Variants in PRKCA observed in about 807,000 individuals in gnomAD.
The protein encoded by PRKCA is protein kinase C alpha, also known as protein kinase C alpha type.
Under a neutral mutation model 87.0 loss-of-function variants are expected in PRKCA, and 27 were observed. The ratio of observed to expected loss-of-function variants is 0.31; its 90% CI spans 0.23 to 0.43. PRKCA has a LOEUF of 0.43. PRKCA is among the 20% of genes least tolerant of loss of function. PRKCA has a pLI of 1.00. For missense variants in PRKCA, 518 were observed against 852.3 expected, an observed-to-expected ratio of 0.61 and a Z score of 4.88; for synonymous variants, 329 against 311.1, an observed-to-expected ratio of 1.06 and a Z score of -0.61.
chr17:66,759,386 C>T (rs1019984462), intron 13 of PRKCA, among the ~76,000 whole-genome samples: 2 of 151,332 alleles, frequency 1.3e-5, no homozygotes, highest in South Asian at 2.1e-4. Flanking sequence ...GACTTGGTTT[C>T]GTTGTAAATA....
At chr17:66,516,072 T>A (rs1029046857) in intron 3 of PRKCA, among the ~76,000 whole-genome samples, 4 of 152,208 alleles carry the variant, frequency 2.6e-5, no homozygotes, top group African/African-American at 9.7e-5. Flanking sequence ...TAGGATTGAT[T>A]GAAGCAAAGC....
At chr17:66,644,872 C>T (rs1971410694) in intron 4 of PRKCA, among the ~76,000 whole-genome samples, 1 of 151,976 alleles carries the variant, frequency 6.6e-6, no homozygotes, top group Non-Finnish European at 1.5e-5. Flanking sequence ...CATCCATAGT[C>T]CCAGTACTTT....
At chr17:66,538,946 A>G (rs1032517417) in intron 3 of PRKCA, among the ~76,000 whole-genome samples, 1 of 152,216 alleles carries the variant, frequency 6.6e-6, no homozygotes, top group Non-Finnish European at 1.5e-5. Flanking sequence ...TGAGGCCCTC[A>G]TCGAAGGCAT....
chr17:66,454,178 C>T (rs1179722810), intron 2 of PRKCA, among the ~76,000 whole-genome samples: 3 of 152,204 alleles, frequency 2.0e-5, no homozygotes, highest in African/African-American at 4.8e-5. Flanking sequence ...GCCCACTGCC[C>T]TCTCTGGGCA....
intron 2 of PRKCA, chr17:66,403,770 C>G (rs1166566275): frequency 6.6e-6 from 1 of 152,068 alleles, no homozygotes; most frequent in African/African-American, 2.4e-5. Flanking sequence ...AGCTTTGAAG[C>G]ATAACATTAG....
intron 3 of PRKCA, among the ~76,000 whole-genome samples, chr17:66,581,620 C>T (rs146619178): frequency 6.6e-6 from 1 of 152,156 alleles, no homozygotes; most frequent in African/African-American, 2.4e-5. Flanking sequence ...GGACTACAGG[C>T]ACCCGCCACC....
intron 13 of PRKCA, among the ~76,000 whole-genome samples, chr17:66,755,414 G>A (rs1386914038): frequency 6.6e-6 from 1 of 152,154 alleles, no homozygotes; most frequent in East Asian, 1.9e-4. Flanking sequence ...ACATGATTCA[G>A]GTGTCCTGGG....
At chr17:66,483,209 C>T (rs993749614) in intron 2 of PRKCA, among the ~76,000 whole-genome samples, 2 of 152,104 alleles carry the variant, frequency 1.3e-5, no homozygotes, top group African/African-American at 4.8e-5. Context: ...TACCACAAAC[C>T]GGGCAGCTTA....
intron 13 of PRKCA, among the ~76,000 whole-genome samples, chr17:66,754,537 A>G (rs1442968489): frequency 6.6e-6 from 1 of 152,204 alleles, no homozygotes; most frequent in African/African-American, 2.4e-5. Context: ...GACTGTGCTC[A>G]GGGGTGGCTC....
chr17:66,739,025 G>A (rs4324167), intron 11 of PRKCA, among the ~76,000 whole-genome samples, 170 bp downstream of exon 11: 32,079 of 152,084 alleles, frequency 0.21, 3,910 homozygotes, highest in Middle Eastern at 0.32. Flanking sequence ...TGGGACTACA[G>A]GCACACACCA....
At chr17:66,499,937 T>C (rs1916656009) in intron 3 of PRKCA, among the ~76,000 whole-genome samples, 1 of 152,184 alleles carries the variant, frequency 6.6e-6, no homozygotes, top group African/African-American at 2.4e-5. Context: ...ATGTGTCTGC[T>C]AATGGTCCAT....
intron 2 of PRKCA, among the ~76,000 whole-genome samples, chr17:66,431,974 A>G (rs75959741): frequency 2.1e-3 from 314 of 152,308 alleles, no homozygotes; most frequent in African/African-American, 7.2e-3. Context: ...TTTCCAAAGC[A>G]CTTTCAAGAC....
At chr17:66,317,933 T>G (rs1383455161) in intron 2 of PRKCA, among the ~76,000 whole-genome samples, 1 of 152,226 alleles carries the variant, frequency 6.6e-6, no homozygotes, top group African/African-American at 2.4e-5. Flanking sequence ...GTATTTACAA[T>G]GTAGAAAATA....
At chr17:66,781,994 A>G (rs1234807407) in intron 14 of PRKCA, among the ~76,000 whole-genome samples, 1 of 150,708 alleles carries the variant, frequency 6.6e-6, no homozygotes, top group African/African-American at 2.4e-5. Flanking sequence ...GCTCACCGCA[A>G]CCTCTGCCTC....
intron 3 of PRKCA, among the ~76,000 whole-genome samples, chr17:66,611,772 A>G (rs1476820508): frequency 6.6e-6 from 1 of 152,202 alleles, no homozygotes; most frequent in African/African-American, 2.4e-5. Context: ...ACACCATTTT[A>G]TGGTTCCTCT....
intron 3 of PRKCA, among the ~76,000 whole-genome samples, chr17:66,559,273 C>T (rs1472836936): frequency 6.6e-6 from 1 of 151,672 alleles, no homozygotes; most frequent in African/African-American, 2.4e-5. Context: ...GAGTTCAAGA[C>T]CAGCCTGGCC....
chr17:66,588,186 G>A (rs1194313549), intron 3 of PRKCA, among the ~76,000 whole-genome samples: 1 of 152,014 alleles, frequency 6.6e-6, no homozygotes, highest in Non-Finnish European at 1.5e-5. Flanking sequence ...AAGAGCAGGT[G>A]TTTGCCTCTC....
At chr17:66,782,495 C>T (rs936406274) in intron 14 of PRKCA, among the ~76,000 whole-genome samples, 34 of 152,248 alleles carry the variant, frequency 2.2e-4, no homozygotes, top group African/African-American at 7.7e-4. Context: ...GAAGCTGCAT[C>T]GGCCAGCAGC....
At chr17:66,759,900 C>CAT (rs1974644211) in intron 13 of PRKCA, among the ~76,000 whole-genome samples, 1 of 152,218 alleles carries the variant, frequency 6.6e-6, no homozygotes, top group Admixed American at 6.5e-5. Flanking sequence ...ATGTGTGCGT[C>CAT]TGACAGCAGA....
Sources: allele counts gnomAD v4.1 joint callset (sites outside exome capture counted in the v4.1 genomes callset), GRCh38; gene constraint gnomAD v4.1.1; transcripts MANE v1.5; gene names NCBI Gene and HGNC (gene_info 2026-07-23, HGNC 2026-07-21).